EGFLAM: variants seen among roughly 807,000 people sequenced by gnomAD.
The protein encoded by EGFLAM is pikachurin.
In EGFLAM, 79 loss-of-function variants were observed where a neutral mutation model predicts 113.1. That is an observed-to-expected ratio of 0.70 (90% CI 0.58 to 0.84). The LOEUF (loss-of-function observed/expected upper bound fraction) is 0.84. Among genes scored for constraint, EGFLAM ranks in the 40% least tolerant of loss-of-function variants. The pLI is 0.00. For missense variants in EGFLAM, 1,265 were observed against 1,291.6 expected (o/e 0.98, Z 0.32); for synonymous variants, 504 against 487.6 (o/e 1.03, Z -0.44).
chr5:38,412,019 C>T (rs1357247668), intron 10 of EGFLAM, among the ~76,000 whole-genome samples: 2 of 152,082 alleles, frequency 1.3e-5, no homozygotes, highest in African/African-American at 2.4e-5. Context: ...AGGCTGGTCT[C>T]GAACTCCTAA....
intron 6 of EGFLAM, among the ~76,000 whole-genome samples, chr5:38,393,018 G>A (rs924760336): frequency 6.6e-6 from 1 of 152,064 alleles, no homozygotes; most frequent in Non-Finnish European, 1.5e-5. Context: ...GATTACAAGC[G>A]TGAGCCACCG....
intron 1 of EGFLAM, among the ~76,000 whole-genome samples, chr5:38,300,344 CCTTCT>C (rs915191892): frequency 6.6e-6 from 1 of 151,908 alleles, no homozygotes; most frequent in East Asian, 1.9e-4. Context: ...TGTATTCTTC[CCTTCT>C]CTTCTCTTCT....
At position 38,258,825 on chromosome 5, in the gene EGFLAM, C is replaced by A. The variant is rs1757419863; in HGVS notation, c.71C>A (p.Ser24Ter). 1 of 1,612,042 alleles carries A rather than the reference C, an allele frequency of 6.2e-7. No individual in the cohort carries two copies. The highest frequency in any genetic ancestry group is 1.1e-5 in the South Asian group (1 of 91,020). Residue 24 changes from serine to a stop codon, truncating the protein, a stop_gained, in exon 1 of 22, where the codon TCG (serine) becomes TAG (stop). Transcript: ENST00000322350. LOFTEE classifies it high-confidence loss of function. ...TCCAGCCTCGGACCCGGCGCGGTGT[C>A]GCTCCGAGCGGCCATCCGAAAACCA... ...LASSLGPGAV[S>*]LRAAIRKPGK...
rs528994412 is a variant in EGFLAM at position 38,363,821 on chromosome 5, G to A, written c.546-6475G>A. Among the ~76,000 whole-genome samples the A allele has an allele frequency of 5.3e-5, 8 of 152,290 alleles. No homozygotes were observed. In the South Asian group the frequency reaches 1.7e-3, roughly 32 times the overall value. ...TAAACCATGCTGTTGTCTTAGATCA[G>A]GGGTTGCTAAACTTTTTCTCACAGG... On this transcript the variant is annotated intron_variant, in intron 5 of 21. Transcript: ENST00000322350.
chr5:38,271,772 T>A (rs1757770703), intron 1 of EGFLAM, among the ~76,000 whole-genome samples: 1 of 152,234 alleles, frequency 6.6e-6, no homozygotes, highest in Non-Finnish European at 1.5e-5. Flanking sequence ...TTGACTCATG[T>A]CTTCTGTTAG....
intron 6 of EGFLAM, among the ~76,000 whole-genome samples, chr5:38,396,068 G>A (rs144305170): frequency 0.014 from 1,489 of 103,348 alleles, 41 homozygotes; most frequent in African/African-American, 0.06. Flanking sequence ...CTCTTTAAAA[G>A]CCTCCTATTC....
intron 6 of EGFLAM, among the ~76,000 whole-genome samples, chr5:38,383,859 GT>G (rs979216598): frequency 2.0e-5 from 3 of 151,908 alleles, no homozygotes; most frequent in African/African-American, 7.3e-5. Context: ...AGGTCCTGGG[GT>G]GACAGCCCAC....
At chr5:38,360,455 A>T (rs940849151) in intron 5 of EGFLAM, among the ~76,000 whole-genome samples, 4 of 152,144 alleles carry the variant, frequency 2.6e-5, no homozygotes, top group Non-Finnish European at 5.9e-5. Context: ...GACATCTAAA[A>T]TCCTGTGACT....
chr5:38,387,769 G>T (rs565796330), intron 6 of EGFLAM, among the ~76,000 whole-genome samples: 2 of 152,150 alleles, frequency 1.3e-5, no homozygotes, highest in South Asian at 2.1e-4. Context: ...TATTTATTTC[G>T]AAAACGTTTC....
At chr5:38,298,329 T>G (rs910988084) in intron 1 of EGFLAM, among the ~76,000 whole-genome samples, 2 of 152,210 alleles carry the variant, frequency 1.3e-5, no homozygotes, top group Non-Finnish European at 1.5e-5. Context: ...GGTACTGTCT[T>G]CCAGGGTTCT....
chr5:38,280,932 G>A (rs1757997084), intron 1 of EGFLAM, among the ~76,000 whole-genome samples: 1 of 152,178 alleles, frequency 6.6e-6, no homozygotes, highest in Non-Finnish European at 1.5e-5. Context: ...GATGCCTGCT[G>A]TAAATTCATG....
At chr5:38,390,607 T>C (rs1382472843) in intron 6 of EGFLAM, among the ~76,000 whole-genome samples, 1 of 152,244 alleles carries the variant, frequency 6.6e-6, no homozygotes, top group Non-Finnish European at 1.5e-5. Context: ...TCTTCACTCC[T>C]GCTGACAGTA....
chr5:38,329,664 G>A (rs1315504171), intron 1 of EGFLAM, among the ~76,000 whole-genome samples: 1 of 152,142 alleles, frequency 6.6e-6, no homozygotes, highest in Non-Finnish European at 1.5e-5. Flanking sequence ...TCGTCCCCCA[G>A]TTCTTTGGGG....
At chr5:38,332,908 G>A (rs1384667169) in intron 1 of EGFLAM, among the ~76,000 whole-genome samples, 2 of 152,224 alleles carry the variant, frequency 1.3e-5, no homozygotes, top group East Asian at 1.9e-4. Flanking sequence ...CAGTGCTACA[G>A]AGATTTTGTT....
At chr5:38,346,319 A>G (rs1286803762) in intron 3 of EGFLAM, among the ~76,000 whole-genome samples, 2 of 152,240 alleles carry the variant, frequency 1.3e-5, no homozygotes, top group Non-Finnish European at 2.9e-5. Flanking sequence ...TTGTTGATTT[A>G]AACATTATTT....
intron 1 of EGFLAM, among the ~76,000 whole-genome samples, chr5:38,278,661 G>A (rs1206372600): frequency 6.6e-6 from 1 of 152,000 alleles, no homozygotes; most frequent in East Asian, 1.9e-4. Flanking sequence ...GCTAATTTTT[G>A]TACTTTTAGT....
At chr5:38,447,681 A>G (rs767400849) in intron 17 of EGFLAM, among the ~76,000 whole-genome samples, 5 of 151,152 alleles carry the variant, frequency 3.3e-5, no homozygotes, top group Non-Finnish European at 5.9e-5. Flanking sequence ...GCTTGAACTC[A>G]GGAGGTGGAA....
At chr5:38,445,507 C>T (rs1402372833) in intron 17 of EGFLAM, 23 of 1,502,890 alleles carry the variant, frequency 1.5e-5, no homozygotes, top group Middle Eastern at 1.8e-4. Context: ...TCCAGTGGTT[C>T]CCCGCGGGGC....
At chr5:38,453,017 C>T (rs1041756536) in intron 19 of EGFLAM, among the ~76,000 whole-genome samples, 5 of 152,186 alleles carry the variant, frequency 3.3e-5, no homozygotes, top group African/African-American at 4.8e-5. Context: ...GGTTAGACAT[C>T]GCTCATCTAG....
Sources: allele counts gnomAD v4.1 joint callset (sites outside exome capture counted in the v4.1 genomes callset), GRCh38; gene constraint gnomAD v4.1.1; transcripts MANE v1.5; gene names NCBI Gene and HGNC (gene_info 2026-07-23, HGNC 2026-07-21).